PRKD1: variants seen among roughly 807,000 people sequenced by gnomAD.
PRKD1 encodes protein kinase D1.
In PRKD1, 63 loss-of-function variants were observed where a neutral mutation model predicts 95.9. That is an observed-to-expected ratio of 0.66 (90% CI 0.54 to 0.81). PRKD1 has a LOEUF of 0.81. PRKD1 is among the 30% of genes least tolerant of loss of function. The pLI, the probability that PRKD1 is intolerant of heterozygous loss-of-function variation, is 0.00. For synonymous variants in PRKD1, 425 were observed against 423.1 expected, an observed-to-expected ratio of 1.00 and a Z score of -0.05; for missense variants, 1,048 against 1,165.3, an observed-to-expected ratio of 0.90 and a Z score of 1.47.
chr14:29,628,931 C>T, intron 11 of PRKD1, 110 bp downstream of exon 11: 4 of 688,698 alleles, frequency 5.8e-6, no homozygotes, highest in South Asian at 7.2e-5. Context: ...TTCTATTTTG[C>T]TTTCCAAAAT....
intron 2 of PRKD1, among the ~76,000 whole-genome samples, chr14:29,691,426 C>A (rs1162994630): frequency 6.6e-6 from 1 of 152,180 alleles, no homozygotes. Context: ...TTGTAATGAG[C>A]AGCCAAAGTT....
chr14:29,879,925 A>C lies in PRKD1; in HGVS notation c.264+47324T>G, dbSNP rs116983514. On this transcript the variant is annotated intron_variant, in intron 1 of 17. Transcript: ENST00000331968. ...AGGGTATCTAGTGGAAGAAGTTTCTAAACAGCAAAGCATTCAAAATGTGAC... is the reference window on the plus strand; with the variant it reads ...AGGGTATCTAGTGGAAGAAGTTTCTCAACAGCAAAGCATTCAAAATGTGAC... Among the ~76,000 whole-genome samples the C allele has an allele frequency of 2.8e-3, 431 of 152,316 alleles. 2 individuals are homozygous for C. Among genetic ancestry groups the C allele is most frequent in the East Asian group, 5.8e-3 (30 of 5,182 alleles).
intron 2 of PRKD1, among the ~76,000 whole-genome samples, chr14:29,695,222 G>T (rs1000010028): frequency 1.5e-5 from 2 of 131,732 alleles, no homozygotes; most frequent in Non-Finnish European, 3.2e-5. Flanking sequence ...CAACAAGAGG[G>T]AAACTCCATC....
At chr14:29,597,836 C>G (rs1893365299) in intron 15 of PRKD1, 78 bp from the exon 16 acceptor site, 1 of 1,365,712 alleles carries the variant, frequency 7.3e-7, no homozygotes, top group Non-Finnish European at 9.9e-7. Flanking sequence ...TCACCAGATA[C>G]AACCATAATA....
intron 13 of PRKD1, among the ~76,000 whole-genome samples, chr14:29,604,120 A>T (rs923102091): frequency 6.6e-6 from 1 of 152,172 alleles, no homozygotes; most frequent in African/African-American, 2.4e-5. Context: ...TAAAGAATTG[A>T]CTAATTCTAA....
intron 6 of PRKD1, among the ~76,000 whole-genome samples, chr14:29,638,123 G>C (rs565810060): frequency 6.6e-6 from 1 of 152,122 alleles, no homozygotes; most frequent in Admixed American, 6.5e-5. Context: ...AAAGATGATT[G>C]AAATGAGAAG....
chr14:29,604,378 G>A (rs912083486), intron 13 of PRKD1, among the ~76,000 whole-genome samples: 12 of 152,054 alleles, frequency 7.9e-5, no homozygotes, highest in African/African-American at 2.9e-4. Context: ...AGGTCTTTAG[G>A]AGCAGTGCAG....
chr14:29,846,181 G>A (rs1039581752), intron 1 of PRKD1, among the ~76,000 whole-genome samples: 3 of 152,016 alleles, frequency 2.0e-5, no homozygotes, highest in African/African-American at 4.8e-5. Flanking sequence ...TAGGCCCTGA[G>A]GATACAGGTA....
chr14:29,840,518 T>A (rs1444001691), intron 1 of PRKD1, among the ~76,000 whole-genome samples: 2 of 152,216 alleles, frequency 1.3e-5, no homozygotes, highest in African/African-American at 4.8e-5. Flanking sequence ...TGCTTCCACA[T>A]TTATGGGTAT....
chr14:29,851,542 A>G (rs540459259), intron 1 of PRKD1, among the ~76,000 whole-genome samples: 1 of 152,272 alleles, frequency 6.6e-6, no homozygotes, highest in Admixed American at 6.5e-5. Flanking sequence ...CAACAATTTC[A>G]CACCAGTCAG....
intron 13 of PRKD1, among the ~76,000 whole-genome samples, chr14:29,609,494 G>C (rs1047227599): frequency 1.7e-5 from 2 of 115,094 alleles, no homozygotes; most frequent in Non-Finnish European, 3.5e-5. Flanking sequence ...ATCTATTTGT[G>C]TGTGTGTGCG....
At chr14:29,664,210 A>G (rs1882352689) in intron 3 of PRKD1, among the ~76,000 whole-genome samples, 1 of 152,178 alleles carries the variant, frequency 6.6e-6, no homozygotes, top group Non-Finnish European at 1.5e-5. Context: ...ACATAAAGGA[A>G]TATTAATCAC....
At chr14:29,712,949 ATAAT>A (rs1444908178) in intron 2 of PRKD1, among the ~76,000 whole-genome samples, 1 of 152,116 alleles carries the variant, frequency 6.6e-6, no homozygotes, top group Non-Finnish European at 1.5e-5. Flanking sequence ...TCCAACAAAA[ATAAT>A]TAATGTCCAT....
intron 1 of PRKD1, among the ~76,000 whole-genome samples, chr14:29,767,236 T>TACAATTCTGAG (rs1888297171): frequency 1.3e-5 from 2 of 152,152 alleles, no homozygotes; most frequent in Non-Finnish European, 2.9e-5. Flanking sequence ...TCTATAGAAC[T>TACAATTCTGAG]ACAATTCTGA....
At chr14:29,868,131 G>A (rs1328143831) in intron 1 of PRKD1, among the ~76,000 whole-genome samples, 1 of 152,048 alleles carries the variant, frequency 6.6e-6, no homozygotes. Flanking sequence ...CTTATGTCTG[G>A]CCAAGTGTGT....
chr14:29,853,133 G>A (rs565184560), intron 1 of PRKD1, among the ~76,000 whole-genome samples: 1 of 152,198 alleles, frequency 6.6e-6, no homozygotes, highest in East Asian at 1.9e-4. Flanking sequence ...AAGATTACAA[G>A]AGACAATGAA....
chr14:29,583,525 C>T lies in PRKD1; in HGVS notation c.2435-5165G>A, dbSNP rs45558532. On this transcript the variant is annotated intron_variant, in intron 16 of 17. Transcript: ENST00000331968. ...GTGGTATGATTATTTTCTGATTATA[C>T]CTCCTCATTTATTCTGGGGGGTGAG... Among the ~76,000 whole-genome samples the T allele has an allele frequency of 3.1e-3, 470 of 152,218 alleles. 4 individuals carry two copies. The highest frequency in any genetic ancestry group is 0.011 in the African/African-American group (446 of 41,530).
At chr14:29,818,915 T>G (rs1890798795) in intron 1 of PRKD1, among the ~76,000 whole-genome samples, 1 of 152,174 alleles carries the variant, frequency 6.6e-6, no homozygotes. Flanking sequence ...CCATTAGTAC[T>G]TTAAGTCTAA....
chr14:29,715,230 T>C (rs1243951071), intron 2 of PRKD1, among the ~76,000 whole-genome samples: 1 of 152,166 alleles, frequency 6.6e-6, no homozygotes, highest in East Asian at 1.9e-4. Flanking sequence ...TTCTGCAGGA[T>C]GTGCATGTGT....
Sources: gnomAD v4.1 joint callset for allele counts (sites outside exome capture counted in the v4.1 genomes callset) on GRCh38, gnomAD v4.1.1 for gene constraint, MANE v1.5 for transcripts, NCBI Gene and HGNC (gene_info 2026-07-23, HGNC 2026-07-21) for gene names.